GPHN: variants seen among roughly 807,000 people sequenced by gnomAD.
GPHN encodes the protein gephyrin.
GPHN carries 17 observed loss-of-function variants against 95.5 expected under a neutral mutation model. That is an observed-to-expected ratio of 0.18 (90% CI 0.12 to 0.27). GPHN has a LOEUF of 0.27. Ranked by LOEUF, GPHN falls within the 10% of genes least tolerant of loss-of-function variation. The pLI is 1.00. For synonymous variants in GPHN, 320 were observed against 322.5 expected, an observed-to-expected ratio of 0.99 and a Z score of 0.08; for missense variants, 660 against 978.1, an observed-to-expected ratio of 0.67 and a Z score of 4.34.
chr14:66,893,722 G>A (rs8010879), intron 5 of GPHN, among the ~76,000 whole-genome samples: 45,822 of 150,732 alleles, frequency 0.3, 10,184 homozygotes, highest in African/African-American at 0.62. Flanking sequence ...ACCAATAACA[G>A]ACAAACAGAG....
At chr14:67,218,960 T>C in the GPHN span, among the ~76,000 whole-genome samples, 1 of 151,978 alleles carries the variant, frequency 6.6e-6, no homozygotes, top group East Asian at 1.9e-4. Flanking sequence ...GGTGTTGTCG[T>C]GTTCAGCCAC....
intron 1 of GPHN, among the ~76,000 whole-genome samples, chr14:66,675,069 A>G (rs1323748834): frequency 6.6e-6 from 1 of 150,674 alleles, no homozygotes; most frequent in Non-Finnish European, 1.5e-5. Context: ...ATGACTAGGG[A>G]TGTTGAGCAT....
chr14:66,652,926 A>G (rs1454574665), intron 1 of GPHN, among the ~76,000 whole-genome samples: 1 of 151,310 alleles, frequency 6.6e-6, no homozygotes, highest in East Asian at 1.9e-4. Context: ...TATATTCACA[A>G]CCTCCTGCAT....
chr14:66,972,103 A>G (rs1468421092), intron 9 of GPHN, among the ~76,000 whole-genome samples: 1 of 151,914 alleles, frequency 6.6e-6, no homozygotes, highest in East Asian at 1.9e-4. Flanking sequence ...CCCTGTCTGT[A>G]CTGAAAACAC....
the GPHN span, among the ~76,000 whole-genome samples, chr14:67,560,541 A>G: frequency 1.3e-5 from 2 of 152,042 alleles, no homozygotes; most frequent in Non-Finnish European, 2.9e-5. Flanking sequence ...CTCTTCCCCC[A>G]TCGCCTGGTA....
At chr14:67,221,379 A>G in the GPHN span, among the ~76,000 whole-genome samples, 3 of 152,180 alleles carry the variant, frequency 2.0e-5, no homozygotes, top group African/African-American at 4.8e-5. Flanking sequence ...TTGAAACCCT[A>G]TATTCCCAAC....
chr14:67,284,259 ATT>A, the GPHN span, among the ~76,000 whole-genome samples: 7 of 151,942 alleles, frequency 4.6e-5, no homozygotes, highest in African/African-American at 1.7e-4. Flanking sequence ...ATACCATAAA[ATT>A]TTGTCTTTTA....
chr14:66,694,714 G>T (rs2068004762), intron 2 of GPHN, among the ~76,000 whole-genome samples: 1 of 152,076 alleles, frequency 6.6e-6, no homozygotes, highest in East Asian at 1.9e-4. Flanking sequence ...TGGTAAGCTG[G>T]GCTTCATTAA....
the GPHN span, chr14:67,579,847 C>A: frequency 6.2e-7 from 1 of 1,605,472 alleles, no homozygotes. Flanking sequence ...GGGCAGGGAC[C>A]TGGAGCACTG....
the GPHN span, among the ~76,000 whole-genome samples, chr14:67,439,573 CT>C: frequency 2.5e-4 from 35 of 141,492 alleles, no homozygotes; most frequent in East Asian, 2.5e-3. Flanking sequence ...TTCTTTCTTT[CT>C]TTCTTTCTTT....
chr14:66,754,592 C>T (rs780550988), intron 2 of GPHN, among the ~76,000 whole-genome samples: 3 of 151,382 alleles, frequency 2.0e-5, no homozygotes, highest in Non-Finnish European at 1.5e-5. Context: ...ATAAATAATG[C>T]GATAATAGAA....
the GPHN span, among the ~76,000 whole-genome samples, chr14:67,508,271 A>T: frequency 6.6e-6 from 1 of 151,772 alleles, no homozygotes; most frequent in Non-Finnish European, 1.5e-5. Context: ...CCCAACTCTG[A>T]CTTCTGACAG....
chr14:67,155,658 C>T (rs1037852751), intron 18 of GPHN, among the ~76,000 whole-genome samples: 2 of 152,078 alleles, frequency 1.3e-5, no homozygotes, highest in African/African-American at 4.8e-5. Flanking sequence ...AAAGGTCAAA[C>T]ATATATGTAG....
intron 8 of GPHN, among the ~76,000 whole-genome samples, chr14:66,952,670 A>G (rs1298969346): frequency 6.6e-6 from 1 of 152,224 alleles, no homozygotes; most frequent in Admixed American, 6.5e-5. Flanking sequence ...CAGTTTCTCT[A>G]TATCCCTGCC....
rs558283601 is a variant in GPHN, at chr14:66,625,031, G to C, written c.65-56076G>C. Among the ~76,000 whole-genome samples the C allele has an allele frequency of 4.6e-5, 7 of 152,146 alleles. No individual in the cohort carries two copies. The South Asian group carries it at 1.2e-3, about 27-fold the overall frequency. ...TTAGTCTGAATGGAATCAAGCTGCT[G>C]GTCAAGCCTGCACTTGTTAGTGCCT... is the stretch of plus-strand genomic sequence containing the variant. On this transcript the variant is annotated intron_variant, in intron 1 of 22. Transcript: ENST00000478722.
At chr14:66,751,397 A>G (rs1379030085) in intron 2 of GPHN, among the ~76,000 whole-genome samples, 2 of 152,024 alleles carry the variant, frequency 1.3e-5, no homozygotes, top group African/African-American at 4.8e-5. Flanking sequence ...TGGCTATGAG[A>G]TGATATTTCA....
Position 66,787,344 on chromosome 14 carries a change from C to T in GPHN, c.201+10823C>T, listed in dbSNP as rs2153468206. Among the ~76,000 whole-genome samples, 2 of 152,212 alleles carry T rather than the reference C, an allele frequency of 1.3e-5. 1 individual carries two copies. Among genetic ancestry groups the T allele is most frequent in the South Asian group, 4.1e-4 (2 of 4,826 alleles). The stretch of plus-strand genomic sequence containing the variant: ...ACTGCCAAACAAAGAAATAAAAGGA[C>T]ACTTGAATAAAGACACATTCTGTGT... On this transcript the variant is annotated intron_variant, in intron 3 of 22. Transcript: ENST00000478722.
chr14:66,735,671 A>C (rs1211068665), intron 2 of GPHN, among the ~76,000 whole-genome samples: 1 of 152,094 alleles, frequency 6.6e-6, no homozygotes, highest in East Asian at 1.9e-4. Context: ...GAACTGAGAA[A>C]GTTTGAGAAC....
intron 11 of GPHN, among the ~76,000 whole-genome samples, chr14:67,082,693 A>T (rs1399067122): frequency 6.6e-6 from 1 of 152,004 alleles, no homozygotes; most frequent in Non-Finnish European, 1.5e-5. Context: ...ATAGGATTGC[A>T]CTTAATTTGT....
Sources: gnomAD v4.1 joint callset for allele counts (sites outside exome capture counted in the v4.1 genomes callset) on GRCh38, gnomAD v4.1.1 for gene constraint, MANE v1.5 for transcripts, NCBI Gene and HGNC (gene_info 2026-07-23, HGNC 2026-07-21) for gene names.